The following MGAT4A variants were observed in gnomAD, a reference collection of about 807,000 sequenced individuals.
MGAT4A encodes N-acetylglucosaminyltransferase IVa.
Under a neutral mutation model 74.1 loss-of-function variants are expected in MGAT4A, and 33 were observed. The ratio of observed to expected loss-of-function variants is 0.45; its 90% confidence interval spans 0.34 to 0.60. The LOEUF (loss-of-function observed/expected upper bound fraction) is 0.60, where lower values mean the gene tolerates loss of function less well. Among genes scored for constraint, MGAT4A ranks in the 20% least tolerant of loss-of-function variants. MGAT4A has a pLI of 0.02. For missense variants in MGAT4A, 479 were observed against 628.3 expected, an observed-to-expected ratio of 0.76 and a Z score of 2.54; for synonymous variants, 198 against 210.4, an observed-to-expected ratio of 0.94 and a Z score of 0.51.
At chr2:98,691,143 G>C (rs1194213961) in intron 2 of MGAT4A, among the ~76,000 whole-genome samples, 1 of 152,112 alleles carries the variant, frequency 6.6e-6, no homozygotes, top group East Asian at 1.9e-4. Context: ...CCCCATATAT[G>C]TCCAGGGGTC....
intron 9 of MGAT4A, 131 bp from the exon 10 acceptor site, chr2:98,644,184 C>G: frequency 1.1e-6 from 1 of 949,964 alleles, no homozygotes; most frequent in Non-Finnish European, 1.5e-6. Context: ...TAAACAATTT[C>G]CCCACTTGTA....
chr2:98,679,346 C>A (rs1183601285), intron 2 of MGAT4A, among the ~76,000 whole-genome samples: 1 of 140,544 alleles, frequency 7.1e-6, no homozygotes, highest in African/African-American at 2.7e-5. Context: ...GCGGAGCTTG[C>A]AGTGAGCTGA....
intron 2 of MGAT4A, among the ~76,000 whole-genome samples, chr2:98,697,084 T>C (rs778899625): frequency 6.6e-6 from 1 of 152,160 alleles, no homozygotes; most frequent in African/African-American, 2.4e-5. Context: ...TGGAATAAAG[T>C]GGACATTTTA....
Position 98,632,110 on chromosome 2 carries a change from C to CAATAAATAAATAAATA in MGAT4A, c.1468+3096_1468+3111dup, listed in dbSNP as rs200108760. Among the ~76,000 whole-genome samples the CAATAAATAAATAAATA allele has an allele frequency of 1.5e-3, 224 of 149,848 alleles. 2 individuals are homozygous for CAATAAATAAATAAATA. Among genetic ancestry groups the CAATAAATAAATAAATA allele is most frequent in the African/African-American group, 5.2e-3 (211 of 40,492 alleles). On this transcript the variant is annotated intron_variant, in intron 14 of 15. Coordinates refer to ENST00000393487, the MANE Select transcript of MGAT4A (RefSeq NM_012214.3). ...GGGCGGCAAAGCGAGACTCTGTCTC[C>CAATAAATAAATAAATA]AATAAATAAATAAATAAATAAATAA... is the stretch of plus-strand genomic sequence containing the variant.
At position 98,619,866 on chromosome 2, in the gene MGAT4A, A is replaced by C. The variant is rs924899155; in HGVS notation, c.*5700T>G. 5.3e-5 allele frequency: 8 copies of C among 152,096 alleles called. No individual in the cohort carries two copies. Among genetic ancestry groups the C allele is most frequent in the Non-Finnish European group, 8.8e-5 (6 of 68,024 alleles). The allele number at this position is 152,096 out of a possible 1,614,324, so 9.4% of individuals were successfully genotyped here. A position where few individuals can be genotyped will look rare whatever the true frequency, so the allele number is the denominator to read the frequency against. On this transcript the variant is annotated 3_prime_UTR_variant, in exon 16 of 16. Transcript: ENST00000393487. ...AGTATTAAAATATTCCCCACAACAA[A>C]CAATCTTCATTTCAGAACAATTTTA...
intron 2 of MGAT4A, among the ~76,000 whole-genome samples, chr2:98,704,916 G>A (rs1180655723): frequency 1.3e-5 from 2 of 152,160 alleles, no homozygotes; most frequent in South Asian, 2.1e-4. Context: ...CTCCACAGCT[G>A]AGCAAACATG....
At chr2:98,634,753 C>T (rs551559876) in intron 14 of MGAT4A, among the ~76,000 whole-genome samples, 1 of 148,950 alleles carries the variant, frequency 6.7e-6, no homozygotes, top group Admixed American at 6.8e-5. Context: ...TGGATAGGGA[C>T]AGCAAAAACT....
intron 5 of MGAT4A, 28 bp from the exon 6 acceptor site, chr2:98,658,292 TTCA>T (rs748677901): frequency 7.1e-7 from 1 of 1,400,728 alleles, no homozygotes; most frequent in Non-Finnish European, 9.8e-7. Flanking sequence ...TGTATCTATA[TTCA>T]AGTTTTTATA....
At chr2:98,682,650 T>G (rs560656106) in intron 2 of MGAT4A, among the ~76,000 whole-genome samples, 1 of 152,174 alleles carries the variant, frequency 6.6e-6, no homozygotes, top group Non-Finnish European at 1.5e-5. Context: ...AAAGTTAAAG[T>G]TGGCAATAAT....
chr2:98,638,028 T>C (rs1701349964), intron 12 of MGAT4A, among the ~76,000 whole-genome samples: 1 of 152,224 alleles, frequency 6.6e-6, no homozygotes, highest in Non-Finnish European at 1.5e-5. Flanking sequence ...AGTGGGGTGA[T>C]GGGTACACAG....
At chr2:98,699,067 C>T (rs1417582591) in intron 2 of MGAT4A, among the ~76,000 whole-genome samples, 1 of 152,144 alleles carries the variant, frequency 6.6e-6, no homozygotes, top group Non-Finnish European at 1.5e-5. Context: ...TGAGTTGCAG[C>T]ACAGGGAAAA....
intron 2 of MGAT4A, among the ~76,000 whole-genome samples, chr2:98,721,109 T>C (rs944615070): frequency 1.6e-4 from 25 of 151,918 alleles, no homozygotes; most frequent in African/African-American, 6.1e-4. Flanking sequence ...GCAGAAATAA[T>C]AGAGGACAAA....
intron 2 of MGAT4A, among the ~76,000 whole-genome samples, chr2:98,705,859 G>A (rs1410197523): frequency 6.6e-6 from 1 of 150,430 alleles, no homozygotes; most frequent in Non-Finnish European, 1.5e-5. Flanking sequence ...GGAGAATGGC[G>A]TGAACCCGGG....
In MGAT4A at chr2:98,644,039, C is replaced by A; in HGVS notation, c.904G>T (p.Ala302Ser). Residue 302 changes from alanine (A) to serine (S), a missense_variant, in exon 10 of 16, where the codon GCG (alanine) becomes TCG (serine). Ala to Ser is a moderately conservative substitution (Grantham distance 99). Coordinates refer to ENST00000393487, the MANE Select transcript of MGAT4A (RefSeq NM_012214.3). ...QLGFIGKMFQAPDLTLIVEFI... is the reference protein window; with the variant it reads ...QLGFIGKMFQSPDLTLIVEFI... Reference sequence around the variant, plus strand: ...TCTACAATCAGAGTAAGATCCGGCGCTTGAAACATTTTACCTGAAAAGATA... The same window carrying A: ...TCTACAATCAGAGTAAGATCCGGCGATTGAAACATTTTACCTGAAAAGATA... 6.3e-7 allele frequency: 1 copy of A among 1,584,356 alleles called. No individual in the cohort carries two copies. Among genetic ancestry groups the A allele is most frequent in the Non-Finnish European group, 8.6e-7 (1 of 1,161,388 alleles).
rs754632825 is a variant in MGAT4A, at chr2:98,624,233, T to C, written c.*1333A>G. 61 of 587,862 alleles carry C rather than the reference T, an allele frequency of 1.0e-4. No homozygotes were observed. Among genetic ancestry groups the C allele is most frequent in the African/African-American group, 1.4e-4 (7 of 49,332 alleles). The allele number at this position is 587,862 out of a possible 1,614,324, so 36.4% of individuals were successfully genotyped here. A position where few individuals can be genotyped will look rare whatever the true frequency, so the allele number is the denominator to read the frequency against. Reference sequence around the variant, plus strand: ...TTCACCGTGTTAGCCAGGATGGTCTTGATCTCCTGACCTCGTGATCCGCCC... The same window carrying C: ...TTCACCGTGTTAGCCAGGATGGTCTCGATCTCCTGACCTCGTGATCCGCCC... On this transcript the variant is annotated 3_prime_UTR_variant, in exon 16 of 16. Coordinates refer to ENST00000393487, the MANE Select transcript of MGAT4A (RefSeq NM_012214.3).
At position 98,665,100 on chromosome 2, in the gene MGAT4A, C is replaced by T. The variant is rs917595468; in HGVS notation, c.404-1921G>A. On this transcript the variant is annotated intron_variant, in intron 4 of 15. Transcript: ENST00000393487. ...ATCCCAGCACTTTGGGAGGCCGAGGCGGGTGGATCACGAGGTCAGGAGATC... is the reference window on the plus strand; with the variant it reads ...ATCCCAGCACTTTGGGAGGCCGAGGTGGGTGGATCACGAGGTCAGGAGATC... 1.2e-4 allele frequency among the ~76,000 whole-genome samples: 18 copies of T among 151,962 alleles called. No individual in the cohort carries two copies. In the East Asian group the frequency reaches 2.7e-3, roughly 23 times the overall value.
At chr2:98,692,786 G>T (rs1702213094) in intron 2 of MGAT4A, among the ~76,000 whole-genome samples, 1 of 152,086 alleles carries the variant, frequency 6.6e-6, no homozygotes, top group Non-Finnish European at 1.5e-5. Flanking sequence ...TACCATCTAG[G>T]TTTGTGTAAG....
rs577694250 is a variant in MGAT4A at position 98,707,253 on chromosome 2, T to C, written c.94+18986A>G. Among the ~76,000 whole-genome samples the C allele has an allele frequency of 1.2e-3, 187 of 152,296 alleles. No homozygotes were observed. The Middle Eastern group carries it at 0.041, about 33-fold the overall frequency. On this transcript the variant is annotated intron_variant, in intron 2 of 15. Transcript: ENST00000393487. Reference sequence around the variant, plus strand: ...ATGAAAAATCTGAGTAATAGGAATATAGGTGTTTCTGTATCATTTAGTATA... The same window carrying C: ...ATGAAAAATCTGAGTAATAGGAATACAGGTGTTTCTGTATCATTTAGTATA...
At chr2:98,677,635 T>C (rs1701993289) in intron 3 of MGAT4A, among the ~76,000 whole-genome samples, 1 of 151,922 alleles carries the variant, frequency 6.6e-6, no homozygotes, top group Admixed American at 6.6e-5. Context: ...GTATTTTTAG[T>C]AGGGATGAGG....
Sources: allele counts gnomAD v4.1 joint callset (sites outside exome capture counted in the v4.1 genomes callset), GRCh38; gene constraint gnomAD v4.1.1; transcripts MANE v1.5; gene names NCBI Gene and HGNC (gene_info 2026-07-23, HGNC 2026-07-21).